The following TCF7L2 variants were observed in gnomAD, a reference collection of about 807,000 sequenced individuals.
TCF7L2 encodes transcription factor 7-like 2.
TCF7L2 carries 23 observed loss-of-function variants against 77.9 expected under a neutral mutation model. That is an observed-to-expected ratio of 0.30 (90% CI 0.21 to 0.42). TCF7L2 has a LOEUF of 0.42. Ranked by LOEUF, TCF7L2 falls within the 10% of genes least tolerant of loss-of-function variation. TCF7L2 has a pLI of 1.00. For synonymous variants in TCF7L2, 413 were observed against 340.2 expected (o/e 1.21, Z -2.36); for missense variants, 654 against 793.1 (o/e 0.82, Z 2.11).
chr10:113,028,543 G>C (rs2049620647), intron 4 of TCF7L2, among the ~76,000 whole-genome samples: 1 of 152,162 alleles, frequency 6.6e-6, no homozygotes, highest in Non-Finnish European at 1.5e-5. Flanking sequence ...AATGTGACAA[G>C]GGGAAAAAAA....
chr10:113,058,504 A>G (rs1283965723), intron 5 of TCF7L2, among the ~76,000 whole-genome samples: 2 of 152,144 alleles, frequency 1.3e-5, no homozygotes, highest in African/African-American at 4.8e-5. Context: ...CCCCGAGGGC[A>G]ACATGGACTC....
intron 4 of TCF7L2, among the ~76,000 whole-genome samples, chr10:112,988,543 C>T (rs541304620): frequency 4.2e-4 from 64 of 152,256 alleles, no homozygotes; most frequent in African/African-American, 1.5e-3. Context: ...GGAGATAGGC[C>T]GAGTGGGCCA....
chr10:113,013,280 G>A (rs953969594), intron 4 of TCF7L2, among the ~76,000 whole-genome samples: 4 of 152,084 alleles, frequency 2.6e-5, no homozygotes, highest in Non-Finnish European at 5.9e-5. Context: ...CCCCACACCT[G>A]GCTAAGTTTT....
chr10:113,065,732 C>G (rs2057160111), intron 5 of TCF7L2, among the ~76,000 whole-genome samples: 1 of 152,094 alleles, frequency 6.6e-6, no homozygotes, highest in South Asian at 2.1e-4. Context: ...CTCCAAGTTT[C>G]CTTATCTGTA....
At chr10:113,097,213 G>A (rs149908514) in intron 5 of TCF7L2, among the ~76,000 whole-genome samples, 22 of 152,208 alleles carry the variant, frequency 1.4e-4, no homozygotes, top group African/African-American at 5.1e-4. Context: ...GGGCCAGGGT[G>A]ACAGATGAGA....
intron 5 of TCF7L2, among the ~76,000 whole-genome samples, chr10:113,045,611 G>A (rs903119710): frequency 1.1e-4 from 17 of 152,098 alleles, no homozygotes; most frequent in East Asian, 1.9e-4. Flanking sequence ...TCTGGGTGTC[G>A]TGCTGTGACT....
chr10:113,040,764 A>G (rs1214613773), intron 5 of TCF7L2, among the ~76,000 whole-genome samples: 1 of 152,176 alleles, frequency 6.6e-6, no homozygotes, highest in Non-Finnish European at 1.5e-5. Flanking sequence ...TATATTTTTA[A>G]TGTATTTTCT....
intron 5 of TCF7L2, among the ~76,000 whole-genome samples, chr10:113,052,716 A>G (rs572600350): frequency 2.6e-5 from 4 of 152,302 alleles, no homozygotes; most frequent in Admixed American, 2.6e-4. Context: ...ACATGGACCA[A>G]GCTTGAACTG....
At chr10:113,073,253 T>A (rs912443607) in intron 5 of TCF7L2, among the ~76,000 whole-genome samples, 3 of 151,716 alleles carry the variant, frequency 2.0e-5, no homozygotes, top group Admixed American at 2.0e-4. Flanking sequence ...CTACAACTCG[T>A]TGACCACAGG....
rs1380982483 is a variant in TCF7L2, at chr10:113,148,682, T to A, written c.876-2316T>A. Among the ~76,000 whole-genome samples the A allele has an allele frequency of 2.6e-5, 4 of 152,184 alleles. No individual in the cohort carries two copies. The South Asian group carries it at 8.3e-4, about 32-fold the overall frequency. ...CATGAAAGCAGACGGGGGTATATAA[T>A]GAGCTGCTTAGAATTTTTAGGGTGT... On this transcript the variant is annotated intron_variant, in intron 8 of 13. Coordinates refer to ENST00000627217, the MANE Select transcript of TCF7L2 (RefSeq NM_001146274.2).
chr10:113,151,903 A>G lies in TCF7L2; in HGVS notation c.1161+19A>G, dbSNP rs763457413. 6 of 1,519,388 alleles carry G rather than the reference A, an allele frequency of 3.9e-6. No homozygotes were observed. In the East Asian group the frequency reaches 1.5e-4, roughly 38 times the overall value. 94.1% of individuals were successfully genotyped at this position (1,519,388 alleles called of 1,614,324 possible). A position where few individuals can be genotyped will look rare whatever the true frequency, so the allele number is the denominator to read the frequency against. ...GCGGAGGGTAGGTGACGCCCTTCTCAGGGAGAAGCGGGGGGCGGGTGGTGA... is the reference window on the plus strand; with the variant it reads ...GCGGAGGGTAGGTGACGCCCTTCTCGGGGAGAAGCGGGGGGCGGGTGGTGA... On this transcript the variant is annotated intron_variant, in intron 10 of 13. Transcript: ENST00000627217. This position sits in a 1 kb window ranked among gnomAD's most constrained non-coding sequence, Gnocchi z 5.2.
chr10:113,062,531 T>C (rs936613485), intron 5 of TCF7L2, among the ~76,000 whole-genome samples: 1 of 152,144 alleles, frequency 6.6e-6, no homozygotes. Context: ...GGTTCTTCTA[T>C]GGCTACTGCA....
At chr10:113,134,476 CAG>C (rs1491516527) in intron 5 of TCF7L2, among the ~76,000 whole-genome samples, 2 of 152,134 alleles carry the variant, frequency 1.3e-5, no homozygotes, top group East Asian at 1.9e-4. Context: ...CTGTTGGGGA[CAG>C]GGGGGTTACC....
intron 5 of TCF7L2, among the ~76,000 whole-genome samples, chr10:113,122,685 G>A (rs1454355443): frequency 6.6e-6 from 1 of 152,108 alleles, no homozygotes; most frequent in Non-Finnish European, 1.5e-5. Context: ...TTTAGCAGTA[G>A]GTATTTACTA....
chr10:112,989,521 G>A (rs1039161028), intron 4 of TCF7L2, among the ~76,000 whole-genome samples: 1 of 152,104 alleles, frequency 6.6e-6, no homozygotes, highest in South Asian at 2.1e-4. Flanking sequence ...GGCATGTAAT[G>A]TAATTGGAAG....
intron 8 of TCF7L2, among the ~76,000 whole-genome samples, chr10:113,146,621 GT>G (rs548324374): frequency 1.2e-3 from 168 of 137,648 alleles, no homozygotes; most frequent in South Asian, 3.5e-3. Context: ...AAAAGTTTTT[GT>G]TTTTTTTTTT....
chr10:113,051,824 C>T (rs533849333), intron 5 of TCF7L2, among the ~76,000 whole-genome samples: 1 of 152,300 alleles, frequency 6.6e-6, no homozygotes, highest in South Asian at 2.1e-4. Flanking sequence ...ACATACTCTT[C>T]TTTGCCCTAA....
chr10:113,148,899 C>T (rs1347764153), intron 8 of TCF7L2, among the ~76,000 whole-genome samples: 1 of 152,140 alleles, frequency 6.6e-6, no homozygotes, highest in Non-Finnish European at 1.5e-5. Flanking sequence ...TTTGTCTGCA[C>T]CCCAAAATGT....
chr10:112,995,791 C>T (rs1420106088), intron 4 of TCF7L2, among the ~76,000 whole-genome samples: 1 of 152,126 alleles, frequency 6.6e-6, no homozygotes, highest in Non-Finnish European at 1.5e-5. Flanking sequence ...CGTGATCATG[C>T]CCTGGCCTCT....
Sources: allele counts gnomAD v4.1 joint callset (sites outside exome capture counted in the v4.1 genomes callset), GRCh38; gene constraint gnomAD v4.1.1; non-coding constraint Gnocchi (gnomAD v3.1); transcripts MANE v1.5; gene names NCBI Gene and HGNC (gene_info 2026-07-23, HGNC 2026-07-21).